Variants in CADPS2 observed in about 807,000 individuals in gnomAD.
The protein encoded by CADPS2 is calcium-dependent secretion activator 2.
Under a neutral mutation model 172.5 loss-of-function variants are expected in CADPS2, and 93 were observed. The observed-to-expected ratio is 0.54, with a 90% CI of 0.46 to 0.64. CADPS2 has a LOEUF of 0.64. Ranked by LOEUF, CADPS2 falls within the 30% of genes least tolerant of loss-of-function variation. The probability of loss-of-function intolerance (pLI) is 0.00; values close to 1 mark genes in which losing one functional copy is unlikely to be tolerated. For missense variants in CADPS2, 1,420 were observed against 1,565.9 expected, an observed-to-expected ratio of 0.91 and a Z score of 1.57; for synonymous variants, 546 against 555.2, an observed-to-expected ratio of 0.98 and a Z score of 0.23.
chr7:122,404,689 C>T (rs2046416920), intron 20 of CADPS2, among the ~76,000 whole-genome samples: 1 of 152,172 alleles, frequency 6.6e-6, no homozygotes, highest in Non-Finnish European at 1.5e-5. Context: ...ACTATTCTAA[C>T]TGGTGTGAGA....
At chr7:122,787,446 T>C (rs1794306880) in intron 1 of CADPS2, among the ~76,000 whole-genome samples, 1 of 152,208 alleles carries the variant, frequency 6.6e-6, no homozygotes, top group Non-Finnish European at 1.5e-5. Flanking sequence ...TCCAGACATA[T>C]TTCACTGCAA....
At position 122,590,353 on chromosome 7, in the gene CADPS2, G is replaced by T. The variant is rs531468303; in HGVS notation, c.1224-9063C>A. ...GGTCAAATGTAATGCATATTTATTA[G>T]TCATTTAAAAATTAATGGGATATCC... On this transcript the variant is annotated intron_variant, in intron 6 of 29. Coordinates refer to ENST00000449022, the MANE Select transcript of CADPS2 (RefSeq NM_017954.11). 2.6e-5 allele frequency among the ~76,000 whole-genome samples: 4 copies of T among 151,972 alleles called. No individual in the cohort carries two copies. In the South Asian group the frequency reaches 8.3e-4, roughly 32 times the overall value.
At chr7:122,648,207 T>C (rs1044669748) in intron 3 of CADPS2, among the ~76,000 whole-genome samples, 1 of 152,092 alleles carries the variant, frequency 6.6e-6, no homozygotes, top group Non-Finnish European at 1.5e-5. Context: ...TCTTTCCTCT[T>C]GGTACAACCT....
At chr7:122,688,771 G>GA (rs780891721) in intron 2 of CADPS2, among the ~76,000 whole-genome samples, 22 of 152,108 alleles carry the variant, frequency 1.4e-4, no homozygotes, top group Non-Finnish European at 2.6e-4. Context: ...GTGGTAACGG[G>GA]GAGTTATACA....
intron 14 of CADPS2, among the ~76,000 whole-genome samples, chr7:122,456,884 T>C (rs1484787897): frequency 6.6e-6 from 1 of 152,224 alleles, no homozygotes; most frequent in African/African-American, 2.4e-5. Flanking sequence ...TAAGCAATCT[T>C]GTAATTTGTG....
intron 1 of CADPS2, among the ~76,000 whole-genome samples, chr7:122,752,294 A>G (rs2138425125): frequency 6.6e-6 from 1 of 152,342 alleles, no homozygotes; most frequent in Admixed American, 6.5e-5. Context: ...TTTAAATTAT[A>G]GAATAACTCA....
intron 1 of CADPS2, among the ~76,000 whole-genome samples, chr7:122,790,599 G>C (rs1795092729): frequency 6.6e-6 from 1 of 151,988 alleles, no homozygotes; most frequent in African/African-American, 2.4e-5. Context: ...GGCATATAAA[G>C]ATCAAACCAG....
At chr7:122,356,885 T>TA (rs2039477404) in intron 27 of CADPS2, among the ~76,000 whole-genome samples, 1 of 152,100 alleles carries the variant, frequency 6.6e-6, no homozygotes, top group Non-Finnish European at 1.5e-5. Flanking sequence ...ATCTTGTATA[T>TA]TTTTCAGCAC....
chr7:122,692,170 T>C (rs770609198), intron 2 of CADPS2, among the ~76,000 whole-genome samples: 7 of 152,186 alleles, frequency 4.6e-5, no homozygotes, highest in Non-Finnish European at 7.3e-5. Flanking sequence ...TTCTCCTGAA[T>C]GACTTGCACT....
Position 122,713,280 on chromosome 7 carries a change from T to G in CADPS2, c.453+23675A>C, listed in dbSNP as rs2089054142. Among the ~76,000 whole-genome samples the G allele has an allele frequency of 2.1e-5, 3 of 140,460 alleles. No individual in the cohort carries two copies. In the South Asian group the frequency reaches 7.3e-4, roughly 34 times the overall value. The allele number at this position is 140,460 out of a possible 152,430, so 92.1% of individuals were successfully genotyped here. A position where few individuals can be genotyped will look rare whatever the true frequency, so the allele number is the denominator to read the frequency against. ...TGAATTTTGCAAGTTTAATTAATTTTTAAGCCAGACTGCCTGAGTTTAAAT... is the reference window on the plus strand; with the variant it reads ...TGAATTTTGCAAGTTTAATTAATTTGTAAGCCAGACTGCCTGAGTTTAAAT... On this transcript the variant is annotated intron_variant, in intron 2 of 29. Transcript: ENST00000449022.
At chr7:122,719,330 C>A (rs114266073) in intron 2 of CADPS2, among the ~76,000 whole-genome samples, 2 of 152,206 alleles carry the variant, frequency 1.3e-5, no homozygotes, top group Non-Finnish European at 2.9e-5. Context: ...CCCAACACAG[C>A]CTTCCTCCCT....
intron 6 of CADPS2, among the ~76,000 whole-genome samples, chr7:122,587,347 T>C (rs1280301098): frequency 6.6e-6 from 1 of 152,094 alleles, no homozygotes; most frequent in African/African-American, 2.4e-5. Flanking sequence ...CTCCCACATA[T>C]AAGTGAGAAC....
At chr7:122,525,867 G>A (rs561127641) in intron 8 of CADPS2, among the ~76,000 whole-genome samples, 1 of 152,220 alleles carries the variant, frequency 6.6e-6, no homozygotes, top group African/African-American at 2.4e-5. Context: ...GTGACTGTAG[G>A]AATTGTAACA....
chr7:122,770,239 C>A (rs1054500643), intron 1 of CADPS2, among the ~76,000 whole-genome samples: 5 of 152,118 alleles, frequency 3.3e-5, no homozygotes, highest in Non-Finnish European at 7.4e-5. Flanking sequence ...TTCTTTCCTA[C>A]CCCCATTCTC....
At chr7:122,829,651 AGCCAT>A (rs1805914754) in intron 1 of CADPS2, among the ~76,000 whole-genome samples, 1 of 152,224 alleles carries the variant, frequency 6.6e-6, no homozygotes, top group Admixed American at 6.5e-5. Context: ...TTTAACTTCC[AGCCAT>A]CAGCTTCCAT....
At chr7:122,884,816 G>A (rs1170809024) in intron 1 of CADPS2, among the ~76,000 whole-genome samples, 1 of 152,120 alleles carries the variant, frequency 6.6e-6, no homozygotes, top group African/African-American at 2.4e-5. Context: ...CTTTTTACAT[G>A]TCAATTATAC....
intron 14 of CADPS2, among the ~76,000 whole-genome samples, chr7:122,459,994 T>C (rs963376397): frequency 6.6e-6 from 1 of 152,170 alleles, no homozygotes; most frequent in Admixed American, 6.5e-5. Context: ...ATATTTAACC[T>C]GAAATGTGAT....
intron 28 of CADPS2, among the ~76,000 whole-genome samples, chr7:122,336,181 TAC>T (rs2035824836): frequency 6.6e-6 from 1 of 152,220 alleles, no homozygotes; most frequent in South Asian, 2.1e-4. Flanking sequence ...GCTGGTTCCT[TAC>T]ACAGATTTTT....
intron 14 of CADPS2, among the ~76,000 whole-genome samples, chr7:122,454,537 A>G (rs2053528860): frequency 6.6e-6 from 1 of 152,184 alleles, no homozygotes; most frequent in Non-Finnish European, 1.5e-5. Flanking sequence ...TACATTAGAC[A>G]TTTTCTATCT....
Sources: allele counts gnomAD v4.1 joint callset (sites outside exome capture counted in the v4.1 genomes callset), GRCh38; gene constraint gnomAD v4.1.1; transcripts MANE v1.5; gene names NCBI Gene and HGNC (gene_info 2026-07-23, HGNC 2026-07-21).